B3GLCT: variants seen among roughly 807,000 people sequenced by gnomAD.
The protein encoded by B3GLCT is beta 3-glucosyltransferase.
A neutral mutation model predicts 63.4 loss-of-function variants in B3GLCT; 65 were observed. That is an observed-to-expected ratio of 1.03 (90% CI 0.84 to 1.26). The LOEUF is 1.26. Ranked by LOEUF, B3GLCT falls within the 50% of genes most tolerant of loss-of-function variation. The pLI is 0.00. For synonymous variants in B3GLCT, 233 were observed against 219.2 expected (o/e 1.06, Z -0.55); for missense variants, 577 against 604.8 (o/e 0.95, Z 0.48).
intron 12 of B3GLCT, among the ~76,000 whole-genome samples, chr13:31,295,616 A>G (rs957396897): frequency 6.6e-6 from 1 of 152,162 alleles, no homozygotes; most frequent in African/African-American, 2.4e-5. Context: ...TTATACTCTG[A>G]GGGGAAAACT....
chr13:31,257,616 C>T (rs1178589918), intron 6 of B3GLCT, among the ~76,000 whole-genome samples: 1 of 151,694 alleles, frequency 6.6e-6, no homozygotes, highest in Admixed American at 6.6e-5. Context: ...GAGGAATTTG[C>T]AATACAACCA....
chr13:31,293,695 G>T (rs961415130), intron 12 of B3GLCT, among the ~76,000 whole-genome samples: 1 of 151,982 alleles, frequency 6.6e-6, no homozygotes, highest in African/African-American at 2.4e-5. Context: ...GAGCCTATGG[G>T]TGTCTTTGCA....
At chr13:31,310,738 C>T (rs1216709784) in intron 12 of B3GLCT, among the ~76,000 whole-genome samples, 1 of 152,194 alleles carries the variant, frequency 6.6e-6, no homozygotes, top group Non-Finnish European at 1.5e-5. Context: ...TTCCTGGGGG[C>T]TCAGAGCTTA....
chr13:31,288,680 A>G (rs1304953989), intron 12 of B3GLCT, among the ~76,000 whole-genome samples: 6 of 152,184 alleles, frequency 3.9e-5, no homozygotes, highest in Non-Finnish European at 7.3e-5. Context: ...CCACACTACA[A>G]CAGCACCAAA....
intron 4 of B3GLCT, among the ~76,000 whole-genome samples, chr13:31,240,385 C>T (rs1323700907): frequency 6.6e-6 from 1 of 151,664 alleles, no homozygotes; most frequent in East Asian, 1.9e-4. Flanking sequence ...CTCAACTTTA[C>T]AAATTATTTT....
At chr13:31,295,659 C>T (rs1873897813) in intron 12 of B3GLCT, among the ~76,000 whole-genome samples, 1 of 152,218 alleles carries the variant, frequency 6.6e-6, no homozygotes, top group South Asian at 2.1e-4. Flanking sequence ...GCAGATGCCC[C>T]TCCCCCCACC....
intron 4 of B3GLCT, among the ~76,000 whole-genome samples, chr13:31,238,055 G>A (rs1020071823): frequency 1.3e-5 from 2 of 152,178 alleles, no homozygotes; most frequent in African/African-American, 4.8e-5. Flanking sequence ...GTCTAGAACT[G>A]CTGTTTAGTC....
intron 6 of B3GLCT, among the ~76,000 whole-genome samples, chr13:31,256,235 C>A (rs1871733150): frequency 6.6e-6 from 1 of 152,112 alleles, no homozygotes; most frequent in Admixed American, 6.5e-5. Context: ...CAATGAGGTA[C>A]CATCTCATGC....
In B3GLCT at chr13:31,223,003, T is replaced by C; in HGVS notation, c.160+12T>C. The C allele has an allele frequency of 6.9e-7, 1 of 1,458,616 alleles. No individual in the cohort carries two copies. Among genetic ancestry groups the C allele is most frequent in the Non-Finnish European group, 9.6e-7 (1 of 1,039,882 alleles). The allele number at this position is 1,458,616 out of a possible 1,614,324, so 90.4% of individuals were successfully genotyped here. ...GAAAAATGACATAGGTAAGTAATGATTTTTTTTACCTAAGAGTGTGTACTT... is the reference window on the plus strand; with the variant it reads ...GAAAAATGACATAGGTAAGTAATGACTTTTTTTACCTAAGAGTGTGTACTT... On this transcript the variant is annotated intron_variant, in intron 3 of 14. Transcript: ENST00000343307.
At chr13:31,272,066 T>G (rs1382002003) in intron 8 of B3GLCT, among the ~76,000 whole-genome samples, 1 of 152,188 alleles carries the variant, frequency 6.6e-6, no homozygotes, top group Non-Finnish European at 1.5e-5. Context: ...GTGTCTCTTT[T>G]AAAGAGGACA....
chr13:31,293,843 G>A (rs913618569), intron 12 of B3GLCT, among the ~76,000 whole-genome samples: 36 of 152,178 alleles, frequency 2.4e-4, no homozygotes, highest in African/African-American at 8.4e-4. Flanking sequence ...ATTTGATTCT[G>A]TCATTATGAT....
chr13:31,266,483 C>T (rs1872329686), intron 7 of B3GLCT, among the ~76,000 whole-genome samples: 1 of 152,168 alleles, frequency 6.6e-6, no homozygotes, highest in Non-Finnish European at 1.5e-5. Flanking sequence ...TTGGAAAAAC[C>T]TGTTATCTTG....
intron 14 of B3GLCT, among the ~76,000 whole-genome samples, chr13:31,326,003 T>C (rs1308660856): frequency 6.6e-6 from 1 of 152,156 alleles, no homozygotes; most frequent in Non-Finnish European, 1.5e-5. Flanking sequence ...CTAGAGCATA[T>C]GGTTTTCTGT....
intron 13 of B3GLCT, among the ~76,000 whole-genome samples, chr13:31,322,368 C>T (rs1875369655): frequency 6.6e-6 from 1 of 152,238 alleles, no homozygotes; most frequent in Non-Finnish European, 1.5e-5. Flanking sequence ...GGGCAAGTCC[C>T]AGACTCCCAT....
intron 13 of B3GLCT, among the ~76,000 whole-genome samples, chr13:31,318,545 A>G (rs1441670895): frequency 6.6e-6 from 1 of 152,162 alleles, no homozygotes; most frequent in Non-Finnish European, 1.5e-5. Context: ...TTGTAGTGAT[A>G]ACCAAACCTG....
At chr13:31,300,441 T>A (rs567575382) in intron 12 of B3GLCT, among the ~76,000 whole-genome samples, 1 of 152,310 alleles carries the variant, frequency 6.6e-6, no homozygotes, top group East Asian at 1.9e-4. Flanking sequence ...GTAAAGAGTT[T>A]AATTAATGCA....
intron 4 of B3GLCT, among the ~76,000 whole-genome samples, chr13:31,233,054 T>C (rs1016987823): frequency 1.3e-5 from 2 of 152,246 alleles, no homozygotes; most frequent in Non-Finnish European, 2.9e-5. Flanking sequence ...GACACTTCTT[T>C]TGATCCTTCC....
At chr13:31,202,669 G>T (rs1220862101) in intron 1 of B3GLCT, among the ~76,000 whole-genome samples, 2 of 152,208 alleles carry the variant, frequency 1.3e-5, no homozygotes, top group African/African-American at 4.8e-5. Flanking sequence ...GATATCTTTA[G>T]AGATTGTTTG....
In B3GLCT at chr13:31,284,746, C is replaced by G. The variant is rs372993645; in HGVS notation, c.949C>G (p.Pro317Ala). ...CATTCCTACTGTGGATTTGGGAATTCCTAATACAGATAGAGGTGAGTCATA... is the reference window on the plus strand; with the variant it reads ...CATTCCTACTGTGGATTTGGGAATTGCTAATACAGATAGAGGTGAGTCATA... ...NSIPTVDLGI[P>A]NTDRGHCGKT... The change falls in exon 11 of 15, where the codon CCT becomes GCT. Residue 317 changes from proline (P) to alanine (A), a missense_variant. Pro to Ala is a conservative substitution (Grantham distance 27). Transcript: ENST00000343307. 5.2e-6 allele frequency: 8 copies of G among 1,552,200 alleles called. No individual in the cohort carries two copies. The highest frequency in any genetic ancestry group is 7.1e-6 in the Non-Finnish European group (8 of 1,123,866).
Sources: gnomAD v4.1 joint callset for allele counts (sites outside exome capture counted in the v4.1 genomes callset) on GRCh38, gnomAD v4.1.1 for gene constraint, MANE v1.5 for transcripts, NCBI Gene and HGNC (gene_info 2026-07-23, HGNC 2026-07-21) for gene names.